CTNNA3: variants seen among roughly 807,000 people sequenced by gnomAD.
CTNNA3 encodes catenin alpha 3, also known as catenin alpha-3.
CTNNA3 carries 76 observed loss-of-function variants against 95.7 expected under a neutral mutation model. The observed-to-expected ratio is 0.79, with a 90% CI of 0.66 to 0.96. The LOEUF (loss-of-function observed/expected upper bound fraction) is 0.96. Among genes scored for constraint, CTNNA3 ranks in the 40% least tolerant of loss-of-function variants. The pLI is 0.00. For missense variants in CTNNA3, 1,191 were observed against 1,089.8 expected (o/e 1.09, Z -1.31); for synonymous variants, 431 against 374.4 (o/e 1.15, Z -1.74).
intron 5 of CTNNA3, among the ~76,000 whole-genome samples, chr10:67,400,517 A>G (rs186198913): frequency 6.3e-4 from 96 of 152,322 alleles, no homozygotes; most frequent in African/African-American, 2.2e-3. Flanking sequence ...TTCACTCTGG[A>G]ATAAATACTT....
intron 6 of CTNNA3, among the ~76,000 whole-genome samples, chr10:67,194,123 T>A (rs149559098): frequency 2.9e-4 from 44 of 152,234 alleles, no homozygotes; most frequent in South Asian, 6.2e-4. Context: ...TTGAAATGTG[T>A]CTGTTCATGT....
chr10:66,004,792 T>G (rs1198754750), intron 15 of CTNNA3, among the ~76,000 whole-genome samples: 1 of 152,214 alleles, frequency 6.6e-6, no homozygotes, highest in South Asian at 2.1e-4. Flanking sequence ...TTCTTACAGT[T>G]CCCTCTGTAA....
At chr10:66,437,631 G>A (rs572890348) in intron 11 of CTNNA3, among the ~76,000 whole-genome samples, 3 of 152,144 alleles carry the variant, frequency 2.0e-5, no homozygotes, top group Admixed American at 6.5e-5. Context: ...TAGCTTCCTT[G>A]CATTTGGTTA....
At chr10:66,659,533 G>A (rs1021561568) in intron 9 of CTNNA3, among the ~76,000 whole-genome samples, 2 of 152,158 alleles carry the variant, frequency 1.3e-5, no homozygotes, top group African/African-American at 4.8e-5. Flanking sequence ...TGCCGAAAGT[G>A]GAGCTGCTAT....
chr10:66,400,067 A>G (rs2093008592), intron 11 of CTNNA3, among the ~76,000 whole-genome samples: 1 of 152,052 alleles, frequency 6.6e-6, no homozygotes, highest in Non-Finnish European at 1.5e-5. Context: ...GTGCATACAT[A>G]CATATGCTTT....
intron 7 of CTNNA3, among the ~76,000 whole-genome samples, chr10:66,935,586 C>T (rs559597596): frequency 2.6e-5 from 4 of 151,770 alleles, no homozygotes; most frequent in South Asian, 4.2e-4. Context: ...ATATTACATA[C>T]GTATTTGTAT....
rs539023968 is a variant in CTNNA3, at chr10:67,522,337, C to T, written c.460-376G>A. 3.3e-5 allele frequency among the ~76,000 whole-genome samples: 5 copies of T among 152,198 alleles called. No individual in the cohort carries two copies. In the South Asian group the frequency reaches 1.0e-3, roughly 32 times the overall value. ...CATAATGAGGAAGCATTAAAGAGTG[C>T]TCACATTTCAATCATGGAAACAAAC... On this transcript the variant is annotated intron_variant, in intron 4 of 17. Coordinates refer to ENST00000433211, the MANE Select transcript of CTNNA3 (RefSeq NM_013266.4).
rs534732894 is a variant in CTNNA3, at chr10:67,672,187, C to A, written c.-6+23813G>T. Among the ~76,000 whole-genome samples the A allele has an allele frequency of 9.8e-4, 149 of 152,216 alleles. 1 individual carries two copies. Among genetic ancestry groups the A allele is most frequent in the African/African-American group, 3.5e-3 (146 of 41,530 alleles). On this transcript the variant is annotated intron_variant, in intron 1 of 17. Coordinates refer to ENST00000433211, the MANE Select transcript of CTNNA3 (RefSeq NM_013266.4). The stretch of plus-strand genomic sequence containing the variant: ...GAGAAGTGTCTGTTCATATCCTTCG[C>A]CCACTTTTTGGTGGGGTTGTTTGTT...
intron 10 of CTNNA3, 60 bp from the exon 11 acceptor site, chr10:66,520,833 T>C (rs1841040392): frequency 1.5e-6 from 2 of 1,334,606 alleles, no homozygotes; most frequent in Non-Finnish European, 2.1e-6. Context: ...ATTTGGGTGA[T>C]GGGCACACTA....
intron 1 of CTNNA3, among the ~76,000 whole-genome samples, chr10:67,662,345 C>T (rs556486252): frequency 1.5e-3 from 235 of 152,266 alleles, no homozygotes; most frequent in African/African-American, 4.6e-3. Flanking sequence ...CATTCTCTCT[C>T]GCAAAATATC....
At chr10:66,952,242 T>C (rs1448512595) in intron 7 of CTNNA3, among the ~76,000 whole-genome samples, 1 of 152,300 alleles carries the variant, frequency 6.6e-6, no homozygotes, top group East Asian at 1.9e-4. Context: ...CTCATTGTAA[T>C]TGAAACTATG....
intron 7 of CTNNA3, among the ~76,000 whole-genome samples, chr10:67,139,179 C>T (rs1225095970): frequency 2.6e-5 from 4 of 152,140 alleles, no homozygotes; most frequent in African/African-American, 9.7e-5. Context: ...GTCGCCCAGA[C>T]TGGAGTGCAG....
At chr10:67,741,035 C>T (rs556434743) in intron 1 of CTNNA3, among the ~76,000 whole-genome samples, 2 of 151,260 alleles carry the variant, frequency 1.3e-5, no homozygotes, top group East Asian at 1.9e-4. Context: ...TGGAAATCAT[C>T]ATTCTCAGTA....
intron 7 of CTNNA3, among the ~76,000 whole-genome samples, chr10:66,813,111 A>G (rs1405180335): frequency 2.0e-5 from 3 of 152,182 alleles, no homozygotes; most frequent in Non-Finnish European, 4.4e-5. Context: ...AGAAGGGGAA[A>G]GGATAAAATG....
chr10:67,060,379 G>A (rs1323269876), intron 7 of CTNNA3, among the ~76,000 whole-genome samples: 1 of 152,164 alleles, frequency 6.6e-6, no homozygotes, highest in Non-Finnish European at 1.5e-5. Flanking sequence ...CTAAACAGAA[G>A]ACAAGCGTAT....
At chr10:66,290,464 A>C (rs2091662623) in intron 12 of CTNNA3, among the ~76,000 whole-genome samples, 2 of 152,108 alleles carry the variant, frequency 1.3e-5, no homozygotes, top group Admixed American at 1.3e-4. Context: ...TTCTATTTTC[A>C]TCAGGATATA....
chr10:66,038,875 G>A (rs113538705), intron 15 of CTNNA3, among the ~76,000 whole-genome samples: 7,437 of 152,168 alleles, frequency 0.049, 279 homozygotes, highest in Non-Finnish European at 0.065. Flanking sequence ...ATTCAACATA[G>A]AATTGAAAAT....
intron 5 of CTNNA3, among the ~76,000 whole-genome samples, chr10:67,448,621 G>GA (rs1846847097): frequency 6.6e-6 from 1 of 151,296 alleles, no homozygotes; most frequent in East Asian, 1.9e-4. Flanking sequence ...TGTATTTAAA[G>GA]AAAAAATAAT....
intron 12 of CTNNA3, among the ~76,000 whole-genome samples, chr10:66,302,471 A>G (rs2091875681): frequency 6.6e-6 from 1 of 152,112 alleles, no homozygotes; most frequent in Non-Finnish European, 1.5e-5. Context: ...AAGAATATAC[A>G]TAAAGTAAAA....
Sources: gnomAD v4.1 joint callset for allele counts (sites outside exome capture counted in the v4.1 genomes callset) on GRCh38, gnomAD v4.1.1 for gene constraint, MANE v1.5 for transcripts, NCBI Gene and HGNC (gene_info 2026-07-23, HGNC 2026-07-21) for gene names.